ATP8A2: variants seen among roughly 807,000 people sequenced by gnomAD.
ATP8A2 encodes the protein ATPase phospholipid transporting 8A2.
ATP8A2 carries 100 observed loss-of-function variants against 165.6 expected under a neutral mutation model. The ratio of observed to expected loss-of-function variants is 0.60; its 90% CI spans 0.51 to 0.71. The LOEUF is 0.71. Among genes scored for constraint, ATP8A2 ranks in the 30% least tolerant of loss-of-function variants. ATP8A2 has a pLI of 0.00. For missense variants in ATP8A2, 1,227 were observed against 1,479.5 expected, an observed-to-expected ratio of 0.83 and a Z score of 2.80; for synonymous variants, 543 against 548.8, an observed-to-expected ratio of 0.99 and a Z score of 0.15.
intron 33 of ATP8A2, among the ~76,000 whole-genome samples, chr13:25,925,330 C>A (rs966141101): frequency 5.9e-5 from 9 of 152,014 alleles, no homozygotes; most frequent in Non-Finnish European, 1.2e-4. Context: ...GTCAGGAGAT[C>A]GAGACCATCC....
chr13:25,464,574 G>C (rs1008144604), intron 1 of ATP8A2, among the ~76,000 whole-genome samples: 1 of 152,062 alleles, frequency 6.6e-6, no homozygotes, highest in Non-Finnish European at 1.5e-5. Flanking sequence ...GTCCCTACCA[G>C]TTCCCATGTC....
At chr13:25,589,912 A>G (rs1260222979) in intron 24 of ATP8A2, among the ~76,000 whole-genome samples, 1 of 152,220 alleles carries the variant, frequency 6.6e-6, no homozygotes, top group East Asian at 1.9e-4. Flanking sequence ...GCCTCATGAT[A>G]ATACTTTTAT....
intron 23 of ATP8A2, among the ~76,000 whole-genome samples, chr13:25,584,443 GTA>G (rs1453002292): frequency 2.0e-5 from 3 of 152,110 alleles, no homozygotes; most frequent in Non-Finnish European, 4.4e-5. Flanking sequence ...GGATTTTAAG[GTA>G]TCCAGAAGAT....
At chr13:25,639,729 A>T (rs1165669074) in intron 24 of ATP8A2, among the ~76,000 whole-genome samples, 1 of 150,774 alleles carries the variant, frequency 6.6e-6, no homozygotes, top group Non-Finnish European at 1.5e-5. Flanking sequence ...CCGGGAATTG[A>T]ACTCAGCTGT....
chr13:26,003,365 T>C (rs1414476730), intron 35 of ATP8A2, among the ~76,000 whole-genome samples: 1 of 152,106 alleles, frequency 6.6e-6, no homozygotes, highest in Non-Finnish European at 1.5e-5. Context: ...TTTGTTTTTT[T>C]TTTTAATTGA....
At chr13:25,677,715 T>C (rs2042400233) in intron 24 of ATP8A2, among the ~76,000 whole-genome samples, 1 of 152,196 alleles carries the variant, frequency 6.6e-6, no homozygotes, top group Non-Finnish European at 1.5e-5. Flanking sequence ...TAGTTTTCTA[T>C]AGGGGACTGT....
intron 33 of ATP8A2, among the ~76,000 whole-genome samples, chr13:25,914,543 CATCT>C (rs547067480): frequency 3.2e-4 from 48 of 152,304 alleles, no homozygotes; most frequent in East Asian, 2.3e-3. Context: ...CCTACACATC[CATCT>C]GTTTCCATCC....
chr13:25,497,903 A>G (rs1462121953), intron 2 of ATP8A2, among the ~76,000 whole-genome samples: 1 of 152,172 alleles, frequency 6.6e-6, no homozygotes, highest in Non-Finnish European at 1.5e-5. Flanking sequence ...CAGAGGTTGC[A>G]GTGAGCCGAG....
intron 24 of ATP8A2, among the ~76,000 whole-genome samples, chr13:25,647,223 A>G (rs1207887251): frequency 3.9e-5 from 6 of 152,234 alleles, no homozygotes; most frequent in African/African-American, 1.4e-4. Flanking sequence ...TTATGTTATT[A>G]ATTCACAGCC....
chr13:25,826,665 G>A (rs1951323733), intron 27 of ATP8A2, among the ~76,000 whole-genome samples: 1 of 152,228 alleles, frequency 6.6e-6, no homozygotes, highest in Non-Finnish European at 1.5e-5. Flanking sequence ...CTCTGTCTGT[G>A]ATGATGTGAC....
chr13:26,009,098 G>A (rs951994609), intron 35 of ATP8A2, among the ~76,000 whole-genome samples: 4 of 152,178 alleles, frequency 2.6e-5, no homozygotes, highest in African/African-American at 7.2e-5. Flanking sequence ...AGAATGGCGA[G>A]TATAAGGAAT....
At position 25,851,665 on chromosome 13, in the gene ATP8A2, G is replaced by A. The variant is rs529266693; in HGVS notation, c.2957-8530G>A. On this transcript the variant is annotated intron_variant, in intron 30 of 36. Coordinates refer to ENST00000381655, the MANE Select transcript of ATP8A2 (RefSeq NM_016529.6). ...TCCTTTAGATTTCTCTGTTTCTGCT[G>A]TTCTGCCAAATTGCCAGCCTCTGGT... is the stretch of plus-strand genomic sequence containing the variant. 5.2e-4 allele frequency among the ~76,000 whole-genome samples: 79 copies of A among 151,852 alleles called. 1 individual carries two copies. The highest frequency in any genetic ancestry group is 1.8e-3 in the African/African-American group (75 of 41,426).
rs905094960 is a variant in ATP8A2, at chr13:25,592,590, A to C, written c.2211+2891A>C. 2.9e-4 allele frequency among the ~76,000 whole-genome samples: 44 copies of C among 152,306 alleles called. 1 individual carries two copies. The highest frequency in any genetic ancestry group is 2.5e-3 in the South Asian group (12 of 4,822). ...CTTGGATGTGTGCACATACCTTATG[A>C]ACACACCCACAGTGTCTGTACTTGA... On this transcript the variant is annotated intron_variant, in intron 24 of 36. Transcript: ENST00000381655.
At chr13:25,932,992 G>A (rs1181347798) in intron 33 of ATP8A2, among the ~76,000 whole-genome samples, 2 of 152,178 alleles carry the variant, frequency 1.3e-5, no homozygotes, top group East Asian at 1.9e-4. Flanking sequence ...GAGTACAGGT[G>A]CATGCCACCA....
At chr13:25,846,457 G>T (rs1476367729) in intron 30 of ATP8A2, among the ~76,000 whole-genome samples, 2 of 152,200 alleles carry the variant, frequency 1.3e-5, no homozygotes, top group Admixed American at 6.5e-5. Flanking sequence ...GAGAAGAGGA[G>T]AGAGAGGAAA....
At chr13:25,632,221 G>A (rs1306280538) in intron 24 of ATP8A2, among the ~76,000 whole-genome samples, 1 of 151,106 alleles carries the variant, frequency 6.6e-6, no homozygotes, top group Non-Finnish European at 1.5e-5. Flanking sequence ...CAACCTGAAA[G>A]CTCCTGAACC....
intron 30 of ATP8A2, among the ~76,000 whole-genome samples, chr13:25,853,927 C>T (rs973728418): frequency 2.6e-4 from 39 of 152,272 alleles, no homozygotes; most frequent in African/African-American, 9.4e-4. Flanking sequence ...TCATCATTTG[C>T]ATCTGATATA....
At chr13:25,466,595 G>A (rs897258940) in intron 1 of ATP8A2, among the ~76,000 whole-genome samples, 3 of 152,098 alleles carry the variant, frequency 2.0e-5, no homozygotes, top group Admixed American at 6.6e-5. Flanking sequence ...TGTTCTCAGC[G>A]GCATCTAACA....
At chr13:25,738,269 C>A (rs1368608267) in intron 25 of ATP8A2, among the ~76,000 whole-genome samples, 1 of 152,046 alleles carries the variant, frequency 6.6e-6, no homozygotes, top group Non-Finnish European at 1.5e-5. Context: ...TTCTGGAACG[C>A]AGGTATGACA....
Sources: gnomAD v4.1 joint callset for allele counts (sites outside exome capture counted in the v4.1 genomes callset) on GRCh38, gnomAD v4.1.1 for gene constraint, MANE v1.5 for transcripts, NCBI Gene and HGNC (gene_info 2026-07-23, HGNC 2026-07-21) for gene names.